The following TENM1 variants were observed in gnomAD, a reference collection of about 807,000 sequenced individuals.
TENM1 encodes teneurin-1.
TENM1 carries 35 observed loss-of-function variants against 174.8 expected under a neutral mutation model. The observed-to-expected ratio is 0.20, with a 90% confidence interval of 0.15 to 0.27. The LOEUF (loss-of-function observed/expected upper bound fraction) is 0.27. Among genes scored for constraint, TENM1 ranks in the 10% least tolerant of loss-of-function variants. The pLI, the probability that TENM1 is intolerant of heterozygous loss-of-function variation, is 1.00. For missense variants in TENM1, 1,633 were observed against 2,130.1 expected, an observed-to-expected ratio of 0.77 and a Z score of 4.59; for synonymous variants, 781 against 798.7, an observed-to-expected ratio of 0.98 and a Z score of 0.37.
chrX:124,891,163 G>C (rs1177691524), intron 3 of TENM1, among the ~76,000 whole-genome samples: 1 of 111,017 alleles, frequency 9.0e-6, no homozygotes, highest in East Asian at 2.8e-4. Flanking sequence ...GTAGAGGGAA[G>C]TGGGGGAAAA....
At chrX:124,783,075 G>A (rs1463145997) in intron 3 of TENM1, among the ~76,000 whole-genome samples, 1 of 111,417 alleles carries the variant, frequency 9.0e-6, no homozygotes, top group East Asian at 2.8e-4. Flanking sequence ...AGAAAAGTTC[G>A]TTCATAAAAA....
At chrX:124,889,863 G>A (rs2057447367) in intron 3 of TENM1, among the ~76,000 whole-genome samples, 1 of 111,276 alleles carries the variant, frequency 9.0e-6, no homozygotes, top group Admixed American at 9.6e-5. Context: ...TAATACAATT[G>A]TTTTCAGTTT....
intron 4 of TENM1, among the ~76,000 whole-genome samples, chrX:124,720,691 T>G: frequency 8.9e-6 from 1 of 112,317 alleles, no homozygotes; most frequent in Non-Finnish European, 1.9e-5. Flanking sequence ...AATGCATTTA[T>G]TTAACAAAAT....
chrX:124,669,012 G>GTTCTA (rs2051851272), intron 6 of TENM1, among the ~76,000 whole-genome samples: 1 of 111,728 alleles, frequency 9.0e-6, no homozygotes, highest in Admixed American at 9.5e-5. Flanking sequence ...TTGAAAGCAG[G>GTTCTA]TTCTATAGCA....
chrX:125,038,989 G>A, the TENM1 span, among the ~76,000 whole-genome samples: 1 of 111,421 alleles, frequency 9.0e-6, no homozygotes, highest in Admixed American at 9.6e-5. Flanking sequence ...ATACAGAAAG[G>A]GACAACTCAT....
At chrX:124,650,725 T>C (rs1436404309) in intron 8 of TENM1, among the ~76,000 whole-genome samples, 1 of 111,934 alleles carries the variant, frequency 8.9e-6, no homozygotes, top group African/African-American at 3.2e-5. Flanking sequence ...TATTCATCCA[T>C]TGAACCTGCC....
At chrX:124,593,183 G>A (rs1479982182) in intron 11 of TENM1, among the ~76,000 whole-genome samples, 1 of 111,641 alleles carries the variant, frequency 9.0e-6, no homozygotes, top group Non-Finnish European at 1.9e-5. Flanking sequence ...GCCACCAGGT[G>A]AATAGGTGCT....
chrX:124,685,179 T>C (rs775074128), intron 5 of TENM1, among the ~76,000 whole-genome samples: 6 of 109,506 alleles, frequency 5.5e-5, no homozygotes, highest in Non-Finnish European at 1.1e-4. Flanking sequence ...ACAAAGCACC[T>C]GTAACCAACC....
In TENM1 at chrX:124,685,325, G is replaced by A. The variant is rs1038695971; in HGVS notation, c.1016-13490C>T. 2.7e-5 allele frequency among the ~76,000 whole-genome samples: 3 copies of A among 110,489 alleles called. No homozygotes were observed. In the Admixed American group the frequency reaches 2.9e-4, roughly 11 times the overall value. On this transcript the variant is annotated intron_variant, in intron 5 of 31. Coordinates refer to ENST00000422452, the Ensembl canonical transcript of TENM1. Reference sequence around the variant, plus strand: ...AGTGAATAAAATCAGAAAACAGCACGTAAGAAATATGAGAAGCTCAGCAAA... The same window carrying A: ...AGTGAATAAAATCAGAAAACAGCACATAAGAAATATGAGAAGCTCAGCAAA...
chrX:124,793,977 C>A (rs1357563900), intron 3 of TENM1, among the ~76,000 whole-genome samples: 1 of 110,399 alleles, frequency 9.1e-6, no homozygotes, highest in Non-Finnish European at 1.9e-5. Context: ...GAAATCCCAC[C>A]CAAATCTGCC....
At chrX:124,513,641 C>A (rs2047633819) in intron 18 of TENM1, among the ~76,000 whole-genome samples, 1 of 112,084 alleles carries the variant, frequency 8.9e-6, no homozygotes, top group Non-Finnish European at 1.9e-5. Flanking sequence ...TATTTCCTCC[C>A]ATATCAGTTA....
At chrX:124,409,782 G>A (rs1473460807) in intron 25 of TENM1, among the ~76,000 whole-genome samples, 1 of 108,063 alleles carries the variant, frequency 9.3e-6, no homozygotes, top group Non-Finnish European at 1.9e-5. Context: ...GCTTCAAAGA[G>A]AATAAAATAC....
chrX:125,008,038 C>A, the TENM1 span, among the ~76,000 whole-genome samples: 1 of 111,068 alleles, frequency 9.0e-6, no homozygotes, highest in African/African-American at 3.3e-5. Context: ...ACAATATTAA[C>A]CTTAAATTTA....
the TENM1 span, among the ~76,000 whole-genome samples, chrX:125,025,703 C>G: frequency 9.0e-6 from 1 of 111,341 alleles, no homozygotes; most frequent in Non-Finnish European, 1.9e-5. Flanking sequence ...AAAAGAGAAC[C>G]AGGCATAAGC....
rs774426207 is a variant in TENM1, at chrX:124,405,246, G to A, written c.5176C>T (p.Arg1726Trp). The A allele has an allele frequency of 1.2e-5, 15 of 1,205,761 alleles. No individual in the cohort carries two copies. In the South Asian group the frequency reaches 1.4e-4, roughly 11 times the overall value. Residue 1726 changes from arginine (R) to tryptophan (W), a missense_variant, in exon 27 of 32, where the codon CGG becomes TGG. Physicochemically the swap from Arg to Trp is moderately radical, Grantham distance 101. Transcript: ENST00000422452. ...CGCAGGGAACCATCTGGATTCACCC[G>A]ATAGGTACTTTGAGTATTTTCTGTA...
At chrX:124,895,107 G>C (rs181532101) in intron 2 of TENM1, among the ~76,000 whole-genome samples, 1 of 111,428 alleles carries the variant, frequency 9.0e-6, no homozygotes, top group Non-Finnish European at 1.9e-5. Flanking sequence ...AAAGGAGGCA[G>C]AAGAGGACAA....
the TENM1 span, among the ~76,000 whole-genome samples, chrX:125,092,655 T>C: frequency 4.5e-5 from 5 of 111,705 alleles, no homozygotes; most frequent in Non-Finnish European, 7.5e-5. Context: ...AATCATAAAT[T>C]AATATGGGTT....
At chrX:124,954,800 C>A (rs752352003) in intron 1 of TENM1, among the ~76,000 whole-genome samples, 3 of 111,793 alleles carry the variant, frequency 2.7e-5, no homozygotes, top group Non-Finnish European at 5.7e-5. Flanking sequence ...AATGTTCCCA[C>A]ATCTCCATCT....
chrX:124,545,908 A>G (rs12014276), intron 15 of TENM1, among the ~76,000 whole-genome samples: 4,573 of 112,136 alleles, frequency 0.041, 244 homozygotes, highest in African/African-American at 0.14. Flanking sequence ...TTAAGTTTCA[A>G]TAACAGTTCT....
Sources: gnomAD v4.1 joint callset for allele counts (sites outside exome capture counted in the v4.1 genomes callset) on GRCh38, gnomAD v4.1.1 for gene constraint, MANE v1.5 for transcripts, NCBI Gene and HGNC (gene_info 2026-07-23, HGNC 2026-07-21) for gene names.